Variants in ZNF516 observed in about 807,000 individuals in gnomAD.
ZNF516 encodes the protein zinc finger protein 516.
In ZNF516, 19 loss-of-function variants were observed where a neutral mutation model predicts 79.7. The observed-to-expected ratio is 0.24, with a 90% confidence interval of 0.17 to 0.35. The LOEUF (loss-of-function observed/expected upper bound fraction) is 0.35. Ranked by LOEUF, ZNF516 falls within the 10% of genes least tolerant of loss-of-function variation. ZNF516 has a pLI of 1.00. For missense variants in ZNF516, 1,678 were observed against 1,679.5 expected, an observed-to-expected ratio of 1.00 and a Z score of 0.02; for synonymous variants, 877 against 739.5, an observed-to-expected ratio of 1.19 and a Z score of -3.02.
At position 76,448,711 on chromosome 18, in the gene ZNF516, G is replaced by A. The variant is rs569991700; in HGVS notation, c.-157-5500C>T. ...TAGGGCGGTGCGGTCAGGGGCTAAC[G>A]AGGGTATCCCTGCAACAAGCACTTC... On this transcript the variant is annotated intron_variant, in intron 2 of 6. Transcript: ENST00000443185. Among the ~76,000 whole-genome samples, 8 of 152,272 alleles carry A rather than the reference G, an allele frequency of 5.3e-5. No individual in the cohort carries two copies. The South Asian group carries it at 1.2e-3, about 24-fold the overall frequency.
upstream of ZNF516, chr18:76,495,797 A>T: frequency 9.1e-7 from 1 of 1,100,820 alleles, no homozygotes; most frequent in South Asian, 1.8e-5. Context: ...GTGCGTGTGC[A>T]TTACACACGG....
At chr18:76,480,823 G>C (rs1274220521) in intron 1 of ZNF516, among the ~76,000 whole-genome samples, 1 of 152,042 alleles carries the variant, frequency 6.6e-6, no homozygotes, top group Non-Finnish European at 1.5e-5. Flanking sequence ...CACCCGGCTG[G>C]TTTTTACATT....
intron 1 of ZNF516, among the ~76,000 whole-genome samples, chr18:76,472,989 AG>A (rs1309550021): frequency 6.6e-6 from 1 of 152,244 alleles, no homozygotes; most frequent in African/African-American, 2.4e-5. Flanking sequence ...GGGAAAGAAG[AG>A]GAAGGTAATA....
At chr18:76,435,828 C>G (rs1198625185) in intron 3 of ZNF516, among the ~76,000 whole-genome samples, 1 of 152,240 alleles carries the variant, frequency 6.6e-6, no homozygotes, top group Non-Finnish European at 1.5e-5. Context: ...AGCTTCCTGA[C>G]CTCGGTCTCC....
rs1915327869 is a variant in ZNF516, at chr18:76,493,018, T to C, written c.-272+2126A>G. 2.0e-6 allele frequency: 2 copies of C among 985,118 alleles called. No homozygotes were observed. Among genetic ancestry groups the C allele is most frequent in the East Asian group, 1.1e-4 (1 of 8,800 alleles). 61.0% of individuals were successfully genotyped at this position (985,118 alleles called of 1,614,324 possible). On this transcript the variant is annotated intron_variant, in intron 1 of 6. Coordinates refer to ENST00000443185, the MANE Select transcript of ZNF516 (RefSeq NM_014643.4). This position sits in a 1 kb window ranked among gnomAD's most constrained non-coding sequence, Gnocchi z 5.2. Reference sequence around the variant, plus strand: ...CACACACCCCAAATTACCTCCGGGATGGAGAAAGCCGCTGCGGATTGGCCA... The same window carrying C: ...CACACACCCCAAATTACCTCCGGGACGGAGAAAGCCGCTGCGGATTGGCCA...
intron 1 of ZNF516, among the ~76,000 whole-genome samples, chr18:76,480,371 G>A (rs1914438592): frequency 1.3e-5 from 2 of 151,984 alleles, no homozygotes; most frequent in South Asian, 4.2e-4. Flanking sequence ...GGGCAAAACT[G>A]CCCTTGAATG....
In ZNF516 at chr18:76,379,270, C is replaced by A. The variant is rs769833162; in HGVS notation, c.2844G>T (p.Lys948Asn). 4 of 1,612,336 alleles carry A rather than the reference C, an allele frequency of 2.5e-6. No individual in the cohort carries two copies. The highest frequency in any genetic ancestry group is 3.3e-5 in the Admixed American group (2 of 60,010). Residue 948 changes from lysine (K) to asparagine (N), a missense_variant, in exon 4 of 7, where the codon AAG becomes AAT. Lys to Asn is a moderately conservative substitution (Grantham distance 94). This residue lies in a region of ZNF516 where 1,294 missense variants were observed against 1,248.3 expected (regional missense o/e 1.04). Coordinates refer to ENST00000443185, the MANE Select transcript of ZNF516 (RefSeq NM_014643.4). Reference sequence around the variant, plus strand: ...GGGGGACCCCAAACTTCTCCACAGGCTTGCTATTGGCCGAGGGCTGCGCGC... The same window carrying A: ...GGGGGACCCCAAACTTCTCCACAGGATTGCTATTGGCCGAGGGCTGCGCGC... ...RAGAQPSANS[K>N]PVEKFGVPPA...
At chr18:76,469,973 A>G (rs987629576) in intron 1 of ZNF516, among the ~76,000 whole-genome samples, 3 of 152,262 alleles carry the variant, frequency 2.0e-5, no homozygotes, top group African/African-American at 4.8e-5. Context: ...AAATGAGATA[A>G]TATTTATAAG....
At chr18:76,478,195 G>A (rs926785247) in intron 1 of ZNF516, among the ~76,000 whole-genome samples, 2 of 152,112 alleles carry the variant, frequency 1.3e-5, no homozygotes, top group Non-Finnish European at 2.9e-5. Context: ...CAAATTCATC[G>A]ATGAAGACTG....
chr18:76,452,422 G>C (rs1912469754), intron 2 of ZNF516, among the ~76,000 whole-genome samples: 2 of 152,146 alleles, frequency 1.3e-5, no homozygotes, highest in Admixed American at 6.5e-5. Flanking sequence ...CAAATGTAAG[G>C]AACTGTCCGT....
chr18:76,437,325 G>A (rs1463860884), intron 3 of ZNF516, among the ~76,000 whole-genome samples: 1 of 152,122 alleles, frequency 6.6e-6, no homozygotes, highest in Non-Finnish European at 1.5e-5. Context: ...AAGAAGATGG[G>A]CTCTGAGGAC....
chr18:76,479,568 C>T (rs781045682), intron 1 of ZNF516, among the ~76,000 whole-genome samples: 1 of 152,218 alleles, frequency 6.6e-6, no homozygotes, highest in Non-Finnish European at 1.5e-5. Flanking sequence ...GCGTTCGTAA[C>T]GGGCCAGAAG....
In ZNF516 at chr18:76,442,958, A is replaced by C. The variant is rs1382213894; in HGVS notation, c.97T>G (p.Cys33Gly). 1.2e-6 allele frequency: 2 copies of C among 1,608,740 alleles called. No homozygotes were observed. Among genetic ancestry groups the C allele is most frequent in the Non-Finnish European group, 8.5e-7 (1 of 1,179,772 alleles). Residue 33 changes from cysteine (C) to glycine (G), a missense_variant, in exon 3 of 7, where the codon TGC becomes GGC. This residue lies in a region of ZNF516 where 62 missense variants were observed against 58.9 expected (regional missense o/e 1.05). Coordinates refer to ENST00000443185, the MANE Select transcript of ZNF516 (RefSeq NM_014643.4). The stretch of plus-strand genomic sequence containing the variant: ...TTGCCGCAGATGCAGCAGGTGTGGC[A>C]GGTAGCCTTGTCCCCATCCACCTCG... ...GHEVDGDKAT[C>G]HTCCICGKSF...
intron 3 of ZNF516, among the ~76,000 whole-genome samples, chr18:76,439,360 A>G (rs1326810723): frequency 6.6e-6 from 1 of 152,212 alleles, no homozygotes; most frequent in East Asian, 1.9e-4. Flanking sequence ...GGGCTCTTCC[A>G]TGTTTCATGC....
At chr18:76,482,069 G>C (rs1025710126) in intron 1 of ZNF516, among the ~76,000 whole-genome samples, 1 of 152,084 alleles carries the variant, frequency 6.6e-6, no homozygotes, top group Non-Finnish European at 1.5e-5. Flanking sequence ...CAGTATTAAA[G>C]TCAACGTTTA....
intron 1 of ZNF516, chr18:76,490,320 A>T (rs1374610140): frequency 6.0e-6 from 2 of 334,106 alleles, no homozygotes; most frequent in Non-Finnish European, 4.3e-6. Flanking sequence ...ACCCATGCAC[A>T]ATAGTGGTAT....
rs538737267 is a variant in ZNF516, at chr18:76,362,441, C to T, written c.*57G>A. 8 of 1,563,654 alleles carry T rather than the reference C, an allele frequency of 5.1e-6. No individual in the cohort carries two copies. The highest frequency in any genetic ancestry group is 2.3e-5 in the East Asian group (1 of 43,922). ...CACAGGTGGGAGGCTGCTGGGACAT[C>T]GTGAGGGTACTGCTAATGGCCGTTA... On this transcript the variant is annotated 3_prime_UTR_variant, in exon 7 of 7. Coordinates refer to ENST00000443185, the MANE Select transcript of ZNF516 (RefSeq NM_014643.4).
chr18:76,478,783 T>C (rs1022494795), intron 1 of ZNF516, among the ~76,000 whole-genome samples: 4 of 152,162 alleles, frequency 2.6e-5, no homozygotes, highest in African/African-American at 7.2e-5. Flanking sequence ...GGGCTGGGCA[T>C]GGTGGCTCAG....
At chr18:76,415,623 G>A (rs554954825) in intron 3 of ZNF516, among the ~76,000 whole-genome samples, 3 of 152,174 alleles carry the variant, frequency 2.0e-5, no homozygotes, top group Non-Finnish European at 2.9e-5. Flanking sequence ...GGTTCTCGGG[G>A]AAACAGCCGT....
Sources: allele counts gnomAD v4.1 joint callset (sites outside exome capture counted in the v4.1 genomes callset), GRCh38; gene constraint gnomAD v4.1.1; regional missense constraint gnomAD v4.1.1; non-coding constraint Gnocchi (gnomAD v3.1); transcripts MANE v1.5; gene names NCBI Gene and HGNC (gene_info 2026-07-23, HGNC 2026-07-21).